Variants in DAB1 observed in about 807,000 individuals in gnomAD.
DAB1 encodes disabled homolog 1.
A neutral mutation model predicts 64.6 loss-of-function variants in DAB1; 15 were observed. The observed-to-expected ratio is 0.23, with a 90% CI of 0.16 to 0.36. The LOEUF (loss-of-function observed/expected upper bound fraction) is 0.36. Ranked by LOEUF, DAB1 falls within the 10% of genes least tolerant of loss-of-function variation. The pLI, the probability that DAB1 is intolerant of heterozygous loss-of-function variation, is 1.00. For missense variants in DAB1, 596 were observed against 706.7 expected, an observed-to-expected ratio of 0.84 and a Z score of 1.78; for synonymous variants, 235 against 251.9, an observed-to-expected ratio of 0.93 and a Z score of 0.64.
chr1:57,608,166 T>C (rs923063626), intron 7 of DAB1, among the ~76,000 whole-genome samples: 1 of 152,118 alleles, frequency 6.6e-6, no homozygotes, highest in Non-Finnish European at 1.5e-5. Flanking sequence ...TATATATACA[T>C]ACACATATGA....
At position 58,047,873 on chromosome 1, in the gene DAB1, C is replaced by T. The variant is rs141652515; in HGVS notation, n.387+102638G>A. 2.6e-3 allele frequency: 773 copies of T among 292,152 alleles called. 8 individuals carry two copies. The highest frequency in any genetic ancestry group is 0.015 in the African/African-American group (699 of 45,476). The allele number at this position is 292,152 out of a possible 1,614,324, so 18.1% of individuals were successfully genotyped here. On this transcript the variant is annotated intron_variant and non_coding_transcript_variant, in intron 5 of 20. Transcript: ENST00000485760. ...TAAGGCATTTATTCAGCATCACGAT[C>T]AGACTATTACATTTAGCAATCAACA...
chr1:57,934,875 G>A (rs1241503863), intron 5 of DAB1, among the ~76,000 whole-genome samples: 2 of 152,190 alleles, frequency 1.3e-5, no homozygotes, highest in African/African-American at 2.4e-5. Context: ...TAAGACAGAG[G>A]TACGACTTCT....
chr1:58,493,627 A>C (rs1310433756), intron 3 of DAB1, among the ~76,000 whole-genome samples: 1 of 151,640 alleles, frequency 6.6e-6, no homozygotes, highest in Non-Finnish European at 1.5e-5. Flanking sequence ...CCAATAACAG[A>C]CAAACAGAGA....
At chr1:58,315,221 C>T (rs1288538014) in intron 4 of DAB1, among the ~76,000 whole-genome samples, 2 of 152,170 alleles carry the variant, frequency 1.3e-5, no homozygotes, top group African/African-American at 4.8e-5. Context: ...TTTGAATTCA[C>T]AGAGATGAGC....
intron 7 of DAB1, among the ~76,000 whole-genome samples, chr1:57,472,763 C>G (rs1001753422): frequency 2.6e-5 from 4 of 152,158 alleles, no homozygotes; most frequent in African/African-American, 9.7e-5. Context: ...CAAATAAACC[C>G]CTTCCTTCTT....
At chr1:58,483,001 A>G (rs932166536) in intron 3 of DAB1, among the ~76,000 whole-genome samples, 3 of 152,250 alleles carry the variant, frequency 2.0e-5, no homozygotes, top group Non-Finnish European at 4.4e-5. Flanking sequence ...CAGTAAGTCA[A>G]GCTAATACAC....
intron 1 of DAB1, among the ~76,000 whole-genome samples, chr1:57,392,781 A>G (rs1212847536): frequency 6.6e-6 from 1 of 152,194 alleles, no homozygotes; most frequent in Non-Finnish European, 1.5e-5. Flanking sequence ...CAGAAGATCA[A>G]CGTGACTCAA....
intron 1 of DAB1, among the ~76,000 whole-genome samples, chr1:57,295,228 C>G (rs2432690): frequency 0.43 from 65,095 of 151,826 alleles, 14,403 homozygotes; most frequent in Admixed American, 0.58. Context: ...GTGAATTTCA[C>G]CAGAATTAGG....
At chr1:57,067,772 A>G (rs1317075014) in intron 8 of DAB1, among the ~76,000 whole-genome samples, 2 of 152,198 alleles carry the variant, frequency 1.3e-5, no homozygotes, top group African/African-American at 4.8e-5. Flanking sequence ...AGTTAAATTA[A>G]TGGCTGAGTT....
intron 7 of DAB1, among the ~76,000 whole-genome samples, chr1:57,592,477 C>G (rs958173542): frequency 6.6e-6 from 1 of 151,840 alleles, no homozygotes; most frequent in African/African-American, 2.4e-5. Context: ...AACACAGATG[C>G]CACGTGGGAT....
chr1:57,799,072 G>A (rs943592601), intron 6 of DAB1, among the ~76,000 whole-genome samples: 2 of 152,190 alleles, frequency 1.3e-5, no homozygotes, highest in Non-Finnish European at 2.9e-5. Flanking sequence ...AATACTAGCT[G>A]TGTGACCTTA....
chr1:57,858,463 A>G (rs1334822872), intron 1 of DAB1, among the ~76,000 whole-genome samples: 1 of 152,104 alleles, frequency 6.6e-6, no homozygotes, highest in Non-Finnish European at 1.5e-5. Flanking sequence ...TATTGTTCTT[A>G]GTCTGCTCTG....
chr1:57,634,424 T>C (rs1331153966), intron 7 of DAB1, among the ~76,000 whole-genome samples: 1 of 152,202 alleles, frequency 6.6e-6, no homozygotes, highest in Non-Finnish European at 1.5e-5. Flanking sequence ...ATATAATCTT[T>C]TAGGATTACT....
intron 1 of DAB1, among the ~76,000 whole-genome samples, chr1:57,356,428 C>T (rs1679105892): frequency 6.6e-6 from 1 of 152,038 alleles, no homozygotes; most frequent in Non-Finnish European, 1.5e-5. Flanking sequence ...CCTCAATAAA[C>T]TTCAACTGTT....
intron 7 of DAB1, among the ~76,000 whole-genome samples, chr1:57,501,447 C>T (rs1199924364): frequency 5.3e-5 from 8 of 152,170 alleles, no homozygotes; most frequent in Non-Finnish European, 1.2e-4. Flanking sequence ...CCAATAGAGG[C>T]ACTAGAAATA....
chr1:57,470,360 C>T (rs191227328), intron 7 of DAB1, among the ~76,000 whole-genome samples: 2 of 152,300 alleles, frequency 1.3e-5, no homozygotes, highest in East Asian at 3.9e-4. Context: ...TTATTTCAGT[C>T]AGAACTCCAG....
chr1:58,081,896 G>C (rs984168068), intron 5 of DAB1, among the ~76,000 whole-genome samples: 2 of 152,124 alleles, frequency 1.3e-5, no homozygotes, highest in South Asian at 4.1e-4. Context: ...TCAGATGCTT[G>C]CATTTCCTAG....
chr1:58,373,588 T>G (rs1338635808), intron 3 of DAB1, among the ~76,000 whole-genome samples: 1 of 151,872 alleles, frequency 6.6e-6, no homozygotes, highest in Non-Finnish European at 1.5e-5. Context: ...GACATTTGGG[T>G]TGGTTCCAAG....
intron 6 of DAB1, among the ~76,000 whole-genome samples, chr1:57,718,097 G>A (rs1570764834): frequency 1.3e-5 from 2 of 152,012 alleles, no homozygotes; most frequent in East Asian, 3.9e-4. Context: ...ACACAGTAGA[G>A]TGACTACAAC....
Sources: allele counts gnomAD v4.1 joint callset (sites outside exome capture counted in the v4.1 genomes callset), GRCh38; gene constraint gnomAD v4.1.1; transcripts MANE v1.5; gene names NCBI Gene and HGNC (gene_info 2026-07-23, HGNC 2026-07-21).